Variants in CCSER1 observed in about 807,000 individuals in gnomAD.
CCSER1 encodes the protein coiled-coil serine rich protein 1.
A neutral mutation model predicts 82.0 loss-of-function variants in CCSER1; 41 were observed. The ratio of observed to expected loss-of-function variants is 0.50; its 90% CI spans 0.39 to 0.65. CCSER1 has a LOEUF of 0.65. Among genes scored for constraint, CCSER1 ranks in the 30% least tolerant of loss-of-function variants. The pLI is 0.00. For synonymous variants in CCSER1, 414 were observed against 383.9 expected, an observed-to-expected ratio of 1.08 and a Z score of -0.92; for missense variants, 1,119 against 1,064.2, an observed-to-expected ratio of 1.05 and a Z score of -0.72.
intron 7 of CCSER1, 80 bp downstream of exon 7, chr4:90,724,071 T>A: frequency 1.2e-6 from 1 of 850,602 alleles, no homozygotes. Context: ...TATGTGTAGA[T>A]GGTGAAGTGA....
At chr4:91,117,285 C>T (rs1013460860) in intron 10 of CCSER1, among the ~76,000 whole-genome samples, 1 of 152,168 alleles carries the variant, frequency 6.6e-6, no homozygotes, top group Non-Finnish European at 1.5e-5. Flanking sequence ...TGAGGACCTT[C>T]CTGAGACATC....
chr4:90,879,504 GA>G (rs1561294452), intron 8 of CCSER1, among the ~76,000 whole-genome samples: 1 of 144,210 alleles, frequency 6.9e-6, no homozygotes, highest in African/African-American at 2.6e-5. Flanking sequence ...AGAAGAAGAA[GA>G]AGAAGAAGAA....
chr4:91,176,703 C>G (rs1733411720), intron 10 of CCSER1, among the ~76,000 whole-genome samples: 1 of 152,154 alleles, frequency 6.6e-6, no homozygotes, highest in Non-Finnish European at 1.5e-5. Context: ...TGCTTATCAG[C>G]TTAAGGAGAT....
intron 10 of CCSER1, among the ~76,000 whole-genome samples, chr4:91,430,961 G>T (rs1413959316): frequency 2.0e-5 from 3 of 152,210 alleles, no homozygotes; most frequent in Non-Finnish European, 4.4e-5. Context: ...GCTTGGCCGG[G>T]CGTGGTGGCT....
At chr4:90,856,800 C>A (rs1252223733) in intron 8 of CCSER1, among the ~76,000 whole-genome samples, 2 of 151,996 alleles carry the variant, frequency 1.3e-5, no homozygotes, top group Admixed American at 6.6e-5. Context: ...AAATATATAT[C>A]AAAATGTATT....
At chr4:90,979,401 AT>A (rs1183909790) in intron 9 of CCSER1, among the ~76,000 whole-genome samples, 1 of 151,628 alleles carries the variant, frequency 6.6e-6, no homozygotes, top group Non-Finnish European at 1.5e-5. Flanking sequence ...CTTATAAAAT[AT>A]TTTATATTTT....
intron 7 of CCSER1, among the ~76,000 whole-genome samples, chr4:90,741,990 A>G (rs2149445308): frequency 6.6e-6 from 1 of 152,284 alleles, no homozygotes; most frequent in East Asian, 1.9e-4. Flanking sequence ...TCCATAGACC[A>G]TACAGGAGGC....
intron 3 of CCSER1, among the ~76,000 whole-genome samples, chr4:90,361,775 C>G (rs1172078559): frequency 1.3e-5 from 2 of 152,142 alleles, no homozygotes; most frequent in African/African-American, 4.8e-5. Flanking sequence ...GAACAATTAA[C>G]CAATATTATG....
chr4:91,351,114 T>C (rs1748440307), intron 10 of CCSER1, among the ~76,000 whole-genome samples: 1 of 151,988 alleles, frequency 6.6e-6, no homozygotes, highest in East Asian at 1.9e-4. Flanking sequence ...CCTCTGTTTG[T>C]TTAATTTCAT....
intron 9 of CCSER1, among the ~76,000 whole-genome samples, chr4:91,004,218 G>T (rs763751330): frequency 1.3e-5 from 2 of 152,130 alleles, no homozygotes; most frequent in Admixed American, 1.3e-4. Context: ...CAAATGAGCT[G>T]CAATCTAGTC....
At chr4:91,310,099 A>T (rs1367951480) in intron 10 of CCSER1, among the ~76,000 whole-genome samples, 1 of 151,964 alleles carries the variant, frequency 6.6e-6, no homozygotes, top group Non-Finnish European at 1.5e-5. Context: ...TAATAAAAAC[A>T]CTAGTCATAT....
chr4:90,630,886 T>G (rs1724269315), intron 6 of CCSER1, among the ~76,000 whole-genome samples: 1 of 148,192 alleles, frequency 6.7e-6, no homozygotes, highest in Admixed American at 6.8e-5. Flanking sequence ...TTATTATTAT[T>G]ATTATTATTA....
intron 4 of CCSER1, among the ~76,000 whole-genome samples, chr4:90,422,408 T>G (rs1756834191): frequency 6.6e-6 from 1 of 151,974 alleles, no homozygotes; most frequent in South Asian, 2.1e-4. Flanking sequence ...GCCTAGACAA[T>G]ATAGAGAGAC....
At chr4:91,342,849 T>G (rs973222910) in intron 10 of CCSER1, among the ~76,000 whole-genome samples, 2 of 152,136 alleles carry the variant, frequency 1.3e-5, no homozygotes, top group African/African-American at 4.8e-5. Context: ...TTTGTTTTAT[T>G]TGGTTTCTTT....
chr4:91,272,203 G>A (rs1742089098), intron 10 of CCSER1, among the ~76,000 whole-genome samples: 2 of 152,090 alleles, frequency 1.3e-5, no homozygotes, highest in South Asian at 2.1e-4. Context: ...GGTTGTACTA[G>A]TTTACATTCC....
intron 10 of CCSER1, among the ~76,000 whole-genome samples, chr4:91,517,785 T>TGTGTG (rs202065729): frequency 9.8e-5 from 8 of 81,556 alleles, no homozygotes; most frequent in South Asian, 3.1e-4. Context: ...TGTGTGTGTG[T>TGTGTG]TTAACTTTGA....
chr4:90,185,087 T>G (rs562926508), intron 1 of CCSER1, among the ~76,000 whole-genome samples: 3 of 152,174 alleles, frequency 2.0e-5, no homozygotes, highest in South Asian at 2.1e-4. Flanking sequence ...CTGTTGTATC[T>G]GAGAGTCAGC....
intron 10 of CCSER1, among the ~76,000 whole-genome samples, chr4:91,548,076 A>G (rs1461866686): frequency 6.6e-6 from 1 of 152,196 alleles, no homozygotes; most frequent in African/African-American, 2.4e-5. Flanking sequence ...GGCGTGAGCC[A>G]CTGCGCCTGG....
intron 5 of CCSER1, among the ~76,000 whole-genome samples, chr4:90,470,762 C>CAAAAAAAAAAAAAAAAAA (rs754754971): frequency 1.4e-5 from 1 of 71,250 alleles, no homozygotes; most frequent in Non-Finnish European, 2.8e-5. Context: ...TTAATCAAAG[C>CAAAAAAAAAAAAAAAAAA]AAAAAAAAAA....
Sources: allele counts gnomAD v4.1 joint callset (sites outside exome capture counted in the v4.1 genomes callset), GRCh38; gene constraint gnomAD v4.1.1; transcripts MANE v1.5; gene names NCBI Gene and HGNC (gene_info 2026-07-23, HGNC 2026-07-21).